The following STK38L variants were observed in gnomAD, a reference collection of about 807,000 sequenced individuals.
The protein encoded by STK38L is serine/threonine-protein kinase 38-like.
Under a neutral mutation model 59.7 loss-of-function variants are expected in STK38L, and 28 were observed. The observed-to-expected ratio is 0.47, with a 90% CI of 0.35 to 0.64. STK38L has a LOEUF of 0.64. STK38L is among the 30% of genes least tolerant of loss of function. The pLI is 0.01. For missense variants in STK38L, 314 were observed against 555.8 expected (o/e 0.56, Z 4.37); for synonymous variants, 162 against 176.8 (o/e 0.92, Z 0.66).
chr12:27,269,232 C>G (rs555161635), intron 1 of STK38L, among the ~76,000 whole-genome samples: 3 of 152,110 alleles, frequency 2.0e-5, no homozygotes, highest in Admixed American at 6.6e-5. Flanking sequence ...AGGTTTTCTT[C>G]TAGGGTTTTT....
At chr12:27,292,822 A>T (rs1457631682) in intron 1 of STK38L, among the ~76,000 whole-genome samples, 1 of 152,158 alleles carries the variant, frequency 6.6e-6, no homozygotes, top group Non-Finnish European at 1.5e-5. Context: ...TTGGAGTAAA[A>T]CTCATTACAA....
intron 3 of STK38L, among the ~76,000 whole-genome samples, chr12:27,306,171 A>G (rs1272299289): frequency 6.6e-6 from 1 of 152,188 alleles, no homozygotes; most frequent in African/African-American, 2.4e-5. Flanking sequence ...CCAAAACCAC[A>G]TAAATTGTGT....
intron 1 of STK38L, among the ~76,000 whole-genome samples, chr12:27,265,865 A>T (rs1161504843): frequency 6.6e-6 from 1 of 152,176 alleles, no homozygotes; most frequent in Non-Finnish European, 1.5e-5. Flanking sequence ...TAGCTACCCT[A>T]TTGATGCTGA....
intron 1 of STK38L, among the ~76,000 whole-genome samples, chr12:27,295,184 G>A (rs1168688873): frequency 6.6e-6 from 1 of 152,144 alleles, no homozygotes; most frequent in Non-Finnish European, 1.5e-5. Context: ...AAAAAATAAT[G>A]CTCATTATTA....
intron 1 of STK38L, among the ~76,000 whole-genome samples, chr12:27,257,779 A>G (rs1943119538): frequency 6.6e-6 from 1 of 151,740 alleles, no homozygotes; most frequent in South Asian, 2.1e-4. Flanking sequence ...GCATGACTTT[A>G]TTTATATGTG....
chr12:27,263,071 G>A (rs927035481), intron 1 of STK38L, among the ~76,000 whole-genome samples: 8 of 152,254 alleles, frequency 5.3e-5, no homozygotes, highest in South Asian at 2.1e-4. Flanking sequence ...GATTACAGGC[G>A]TAAGTCACTG....
At chr12:27,251,686 A>T (rs1164245576) in intron 1 of STK38L, among the ~76,000 whole-genome samples, 1 of 152,254 alleles carries the variant, frequency 6.6e-6, no homozygotes, top group Non-Finnish European at 1.5e-5. Context: ...GACTTCATTT[A>T]AGCCAATTAG....
chr12:27,294,565 G>T (rs1943968150), intron 1 of STK38L, among the ~76,000 whole-genome samples: 1 of 151,110 alleles, frequency 6.6e-6, no homozygotes, highest in Non-Finnish European at 1.5e-5. Flanking sequence ...TTAACTTTGT[G>T]TAGTCTGGGT....
At position 27,321,191 on chromosome 12, in the gene STK38L, T is replaced by C. The variant is rs1019274340; in HGVS notation, c.1176-952T>C. On this transcript the variant is annotated intron_variant, in intron 12 of 13. Coordinates refer to ENST00000389032, the MANE Select transcript of STK38L (RefSeq NM_015000.4). Reference sequence around the variant, plus strand: ...GTTGGAATAATTCTGGTAAAAAATATATATGGTTTTAAATAATTTGGTAAA... The same window carrying C: ...GTTGGAATAATTCTGGTAAAAAATACATATGGTTTTAAATAATTTGGTAAA... Among the ~76,000 whole-genome samples, 10 of 152,198 alleles carry C rather than the reference T, an allele frequency of 6.6e-5. 1 individual carries two copies. The highest frequency in any genetic ancestry group is 2.2e-4 in the African/African-American group (9 of 41,440).
rs569206632 is a variant in STK38L at position 27,282,459 on chromosome 12, A to G, written c.-11-15251A>G. Among the ~76,000 whole-genome samples, 11 of 152,344 alleles carry G rather than the reference A, an allele frequency of 7.2e-5. No individual in the cohort carries two copies. In the South Asian group the frequency reaches 2.1e-3, roughly 29 times the overall value. ...CTTAAATCATGCAGCTTACAAAAGA[A>G]ATAGTTACATAAAATATATAAAAAT... On this transcript the variant is annotated intron_variant, in intron 1 of 13. Transcript: ENST00000389032.
chr12:27,297,866 G>A lies in STK38L; in HGVS notation c.134+12G>A. 5 of 1,612,348 alleles carry A rather than the reference G, an allele frequency of 3.1e-6. No homozygotes were observed. The highest frequency in any genetic ancestry group is 4.2e-6 in the Non-Finnish European group (5 of 1,179,498). ...GAGAGAGAAACCAGGTATAGTAAGG[G>A]CTAATCAAAACTTTTTTTAGTTAAA... On this transcript the variant is annotated intron_variant, in intron 2 of 13. Coordinates refer to ENST00000389032, the MANE Select transcript of STK38L (RefSeq NM_015000.4).
intron 1 of STK38L, among the ~76,000 whole-genome samples, chr12:27,244,756 T>C (rs1284843864): frequency 1.3e-5 from 2 of 152,130 alleles, no homozygotes; most frequent in African/African-American, 4.8e-5. Context: ...TCTTCAATTG[T>C]GGGGGCTGTT....
chr12:27,276,276 C>A (rs1280846812), intron 1 of STK38L, among the ~76,000 whole-genome samples: 1 of 152,080 alleles, frequency 6.6e-6, no homozygotes, highest in Admixed American at 6.5e-5. Context: ...ATGATTTAAT[C>A]TGGAAATATT....
chr12:27,248,513 A>T (rs989279966), intron 1 of STK38L, among the ~76,000 whole-genome samples: 1 of 152,218 alleles, frequency 6.6e-6, no homozygotes, highest in Non-Finnish European at 1.5e-5. Context: ...GAAAAAAAGT[A>T]TACCTAGGCA....
In STK38L at chr12:27,314,608, G is replaced by A. The variant is rs1411491277; in HGVS notation, c.622G>A (p.Gly208Ser). 1 of 1,608,256 alleles carries A rather than the reference G, an allele frequency of 6.2e-7. No homozygotes were observed. Among genetic ancestry groups the A allele is most frequent in the East Asian group, 2.2e-5 (1 of 44,464 alleles). ...VLAIDAIHQL[G>S]FIHRDIKPDN... is the part of the protein sequence containing the mutation. Reference sequence around the variant, plus strand: ...GGCAATAGATGCGATCCACCAGTTGGGTTTCATCCATCGGGATATTAAGCC... The same window carrying A: ...GGCAATAGATGCGATCCACCAGTTGAGTTTCATCCATCGGGATATTAAGCC... The change falls in exon 7 of 14, where the codon GGT (glycine) becomes AGT (serine). Residue 208 changes from glycine (G) to serine (S), a missense_variant. By Grantham distance (56) the Gly-to-Ser change is moderately conservative. This residue lies in a region of STK38L where 192 missense variants were observed against 316.9 expected (regional missense o/e 0.61). Transcript: ENST00000389032.
intron 1 of STK38L, among the ~76,000 whole-genome samples, chr12:27,276,661 A>G (rs1943544628): frequency 6.6e-6 from 1 of 152,252 alleles, no homozygotes; most frequent in Non-Finnish European, 1.5e-5. Context: ...ATTATCCATA[A>G]GAAACCTTTA....
At chr12:27,259,069 C>T (rs924263870) in intron 1 of STK38L, among the ~76,000 whole-genome samples, 1 of 152,180 alleles carries the variant, frequency 6.6e-6, no homozygotes, top group Non-Finnish European at 1.5e-5. Context: ...AATAAAGTTA[C>T]TTGGCAAGAC....
chr12:27,297,102 G>A (rs1164463439), intron 1 of STK38L: 1 of 152,410 alleles, frequency 6.6e-6, no homozygotes, highest in African/African-American at 2.4e-5. Context: ...GTTATAGCAC[G>A]TTTTGGAATG....
intron 6 of STK38L, among the ~76,000 whole-genome samples, chr12:27,314,203 C>A (rs924359298): frequency 2.6e-5 from 4 of 152,030 alleles, no homozygotes; most frequent in Non-Finnish European, 2.9e-5. Flanking sequence ...GAGTTTGAGA[C>A]CAGCCTGGCC....
Sources: gnomAD v4.1 joint callset for allele counts (sites outside exome capture counted in the v4.1 genomes callset) on GRCh38, gnomAD v4.1.1 for gene constraint, gnomAD v4.1.1 regional missense constraint, MANE v1.5 for transcripts, NCBI Gene and HGNC (gene_info 2026-07-23, HGNC 2026-07-21) for gene names.